The following TRIM29 variants were observed in gnomAD, a reference collection of about 807,000 sequenced individuals.
The protein encoded by TRIM29 is tripartite motif-containing protein 29.
Under a neutral mutation model 57.3 loss-of-function variants are expected in TRIM29, and 52 were observed. The observed-to-expected ratio is 0.91, with a 90% confidence interval of 0.73 to 1.14. The LOEUF (loss-of-function observed/expected upper bound fraction) is 1.14, where lower values mean the gene tolerates loss of function less well. Ranked by LOEUF, TRIM29 falls within the 50% of genes most tolerant of loss-of-function variation. The pLI is 0.00. For synonymous variants in TRIM29, 319 were observed against 316.9 expected, an observed-to-expected ratio of 1.01 and a Z score of -0.07; for missense variants, 753 against 774.6, an observed-to-expected ratio of 0.97 and a Z score of 0.33.
In TRIM29 at chr11:120,120,554, G is replaced by A; in HGVS notation, c.1528+19C>T. The A allele has an allele frequency of 6.2e-7, 1 of 1,608,822 alleles. No homozygotes were observed. The stretch of plus-strand genomic sequence containing the variant: ...CCCCACATGAACTCTGTGCACCCTT[G>A]AGCTGAGCCACCACCTACCTTTGGT... On this transcript the variant is annotated intron_variant, in intron 6 of 8. Transcript: ENST00000341846.
Position 120,125,604 on chromosome 11 carries a change from T to C in TRIM29, c.1333+87A>G. 3.4e-6 allele frequency: 5 copies of C among 1,467,976 alleles called. No individual in the cohort carries two copies. In the East Asian group the frequency reaches 1.1e-4, roughly 34 times the overall value. The allele number at this position is 1,467,976 out of a possible 1,614,324, so 90.9% of individuals were successfully genotyped here. A position where few individuals can be genotyped will look rare whatever the true frequency, so the allele number is the denominator to read the frequency against. ...GTGGGAACAATGAGAAGAAGCTCAC[T>C]GGAGGCCAGCCCATGTCAGGCAGCA... On this transcript the variant is annotated intron_variant, in intron 4 of 8. Coordinates refer to ENST00000341846, the MANE Select transcript of TRIM29 (RefSeq NM_012101.4).
rs1278789178 is a variant in TRIM29 at position 120,127,564 on chromosome 11, G to A, written c.906C>T (p.Phe302=). The change falls in exon 3 of 9, where the codon TTC becomes TTT. Residue 302 remains phenylalanine (F), a synonymous_variant. Transcript: ENST00000341846. The part of the protein sequence containing the change: ...WQKEKDRIKS[F]TTNEKAILEQ... ...CCAGGATGGCCTTCTCATTGGTGGT[G>A]AAGCTCTGGAGGTCCAGAGTCAGGG... is the stretch of plus-strand genomic sequence containing the variant. The A allele has an allele frequency of 6.2e-7, 1 of 1,613,590 alleles. No individual in the cohort carries two copies. Among genetic ancestry groups the A allele is most frequent in the Non-Finnish European group, 8.5e-7 (1 of 1,179,760 alleles).
At chr11:120,130,686 G>A (rs570066087) in intron 1 of TRIM29, among the ~76,000 whole-genome samples, 76 of 152,236 alleles carry the variant, frequency 5.0e-4, no homozygotes, top group Middle Eastern at 3.2e-3. Flanking sequence ...TTGGCACAGC[G>A]TGAGCACTGT....
At chr11:120,125,378 T>G (rs1348178927) in intron 4 of TRIM29, 1 of 373,884 alleles carries the variant, frequency 2.7e-6, no homozygotes, top group Non-Finnish European at 4.9e-6. Context: ...GGCAATTAGA[T>G]GTAGATCTGA....
chr11:120,118,513 T>C (rs1314855110), intron 6 of TRIM29, among the ~76,000 whole-genome samples, 192 bp from the exon 7 acceptor site: 1 of 152,114 alleles, frequency 6.6e-6, no homozygotes, highest in Non-Finnish European at 1.5e-5. Flanking sequence ...ATATAAAGCA[T>C]AGTCTTGTCC....
intron 8 of TRIM29, among the ~76,000 whole-genome samples, chr11:120,114,171 C>T (rs1219015681): frequency 6.6e-6 from 1 of 152,176 alleles, no homozygotes; most frequent in African/African-American, 2.4e-5. Flanking sequence ...GACACCAAAA[C>T]CTTGCTCTGC....
chr11:120,137,216 C>A lies in TRIM29; in HGVS notation c.804+12G>T. 1 of 1,613,328 alleles carries A rather than the reference C, an allele frequency of 6.2e-7. No individual in the cohort carries two copies. The highest frequency in any genetic ancestry group is 2.2e-5 in the East Asian group (1 of 44,862). ...AGAGGCCTGGAGGGGCAGGAGGGGCCCCAGCACTTACCTCCTTCTCGGCCT... is the reference window on the plus strand; with the variant it reads ...AGAGGCCTGGAGGGGCAGGAGGGGCACCAGCACTTACCTCCTTCTCGGCCT... On this transcript the variant is annotated intron_variant, in intron 1 of 8. Coordinates refer to ENST00000341846, the MANE Select transcript of TRIM29 (RefSeq NM_012101.4). The surrounding 1 kb of genome is among the most constrained non-coding windows in gnomAD (Gnocchi z 6.2).
intron 1 of TRIM29, among the ~76,000 whole-genome samples, chr11:120,132,019 G>A (rs550164): frequency 0.69 from 103,679 of 150,620 alleles, 36,452 homozygotes; most frequent in Non-Finnish European, 0.75. Flanking sequence ...GTTGGAAAGC[G>A]GTAAGGCCAA....
chr11:120,125,826 G>T lies in TRIM29; in HGVS notation c.1198C>A (p.Leu400Met). 6.2e-7 allele frequency: 1 copy of T among 1,614,132 alleles called. No individual in the cohort carries two copies. Among genetic ancestry groups the T allele is most frequent in the Non-Finnish European group, 8.5e-7 (1 of 1,180,030 alleles). Residue 400 changes from leucine to methionine, a missense_variant, in exon 4 of 9, where the codon CTG becomes ATG. By Grantham distance (15) the Leu-to-Met change is conservative. Coordinates refer to ENST00000341846, the MANE Select transcript of TRIM29 (RefSeq NM_012101.4). ...PPPLPTYHVL[L>M]EGEGLGQSLG... is the part of the protein sequence containing the mutation. Reference sequence around the variant, plus strand: ...GACTGTCCCAGGCCCTCCCCCTCCAGCAGGACATGATAGGTGGGCAGGGGT... The same window carrying T: ...GACTGTCCCAGGCCCTCCCCCTCCATCAGGACATGATAGGTGGGCAGGGGT...
chr11:120,127,897 AC>A (rs1863629302), intron 2 of TRIM29, among the ~76,000 whole-genome samples: 1 of 152,184 alleles, frequency 6.6e-6, no homozygotes, highest in South Asian at 2.1e-4. Context: ...CCTAACCAGA[AC>A]CAAACATTAT....
At chr11:120,112,625 C>T in intron 8 of TRIM29, 149 bp from the exon 9 acceptor site, 1 of 738,118 alleles carries the variant, frequency 1.4e-6, no homozygotes. Context: ...GCAAGATTTA[C>T]CTACCCTGTG....
intron 7 of TRIM29, chr11:120,117,866 G>A (rs1001881492): frequency 2.2e-5 from 6 of 276,828 alleles, no homozygotes; most frequent in Admixed American, 5.0e-5. Flanking sequence ...GCCAGCCAAC[G>A]CTGGGAGTTA....
In TRIM29 at chr11:120,115,397, G is replaced by A. The variant is rs765365414; in HGVS notation, c.1645C>T (p.Arg549Trp). ...FSLKGYPSLM[R>W]SQSPKAQPQT... ...GGCTGGGCCTTGGGGCTTTGGCTCC[G>A]CATGAGGGAGGGATAGCCTGGGAAG... is the stretch of plus-strand genomic sequence containing the variant. The change falls in exon 8 of 9, where the codon CGG (arginine) becomes TGG (tryptophan). Residue 549 changes from arginine (R) to tryptophan (W), a missense_variant. Coordinates refer to ENST00000341846, the MANE Select transcript of TRIM29 (RefSeq NM_012101.4). The A allele has an allele frequency of 9.3e-6, 15 of 1,613,744 alleles. No homozygotes were observed. Among genetic ancestry groups the A allele is most frequent in the African/African-American group, 4.0e-5 (3 of 75,022 alleles).
chr11:120,127,206 CTGG>C, intron 3 of TRIM29, 127 bp downstream of exon 3: 1 of 746,512 alleles, frequency 1.3e-6, no homozygotes, highest in Non-Finnish European at 2.2e-6. Flanking sequence ...GGTTGGATGG[CTGG>C]ATGGTGGATG....
At chr11:120,129,513 G>A (rs942098239) in intron 1 of TRIM29, among the ~76,000 whole-genome samples, 1 of 152,162 alleles carries the variant, frequency 6.6e-6, no homozygotes, top group Admixed American at 6.5e-5. Context: ...CCTTTCTCTG[G>A]CCATCACCTT....
chr11:120,130,692 AC>A (rs1863703661), intron 1 of TRIM29, among the ~76,000 whole-genome samples: 1 of 152,234 alleles, frequency 6.6e-6, no homozygotes. Flanking sequence ...CAGCGTGAGC[AC>A]TGTCTGAGCA....
In TRIM29 at chr11:120,125,404, G is replaced by T. The variant is rs1471820498; in HGVS notation, c.1333+287C>A. On this transcript the variant is annotated intron_variant, in intron 4 of 8. Transcript: ENST00000341846. ...GTAGATCTGAACGAAACCAGTCTCT[G>T]AGTTTGATGGACAACCCACAGAGAG... 8.8e-6 allele frequency: 4 copies of T among 452,062 alleles called. No individual in the cohort carries two copies. The East Asian group carries it at 1.5e-4, about 17-fold the overall frequency. 28.0% of individuals were successfully genotyped at this position (452,062 alleles called of 1,614,324 possible).
In TRIM29 at chr11:120,112,850, G is replaced by C. The variant is rs546390258; in HGVS notation, c.1705-374C>G. ...ACTTCACAGCACTGTGTCGAGGGCTGTATGTGGATGCACTCATTTAATTTT... is the reference window on the plus strand; with the variant it reads ...ACTTCACAGCACTGTGTCGAGGGCTCTATGTGGATGCACTCATTTAATTTT... On this transcript the variant is annotated intron_variant, in intron 8 of 8. Transcript: ENST00000341846. Among the ~76,000 whole-genome samples the C allele has an allele frequency of 4.6e-5, 7 of 152,310 alleles. No homozygotes were observed. In the South Asian group the frequency reaches 1.5e-3, roughly 32 times the overall value.
At chr11:120,118,593 G>A (rs1407532115) in intron 6 of TRIM29, among the ~76,000 whole-genome samples, 4 of 152,102 alleles carry the variant, frequency 2.6e-5, no homozygotes, top group East Asian at 1.9e-4. Context: ...GAGCTCTGTC[G>A]TGAGTTGCTC....
Sources: gnomAD v4.1 joint callset for allele counts (sites outside exome capture counted in the v4.1 genomes callset) on GRCh38, gnomAD v4.1.1 for gene constraint, Gnocchi (gnomAD v3.1) non-coding constraint, MANE v1.5 for transcripts, NCBI Gene and HGNC (gene_info 2026-07-23, HGNC 2026-07-21) for gene names.